COX7B2: variants seen among roughly 807,000 people sequenced by gnomAD.
COX7B2 encodes cytochrome c oxidase subunit 7B2, mitochondrial.
For synonymous variants in COX7B2, 37 were observed against 32.1 expected (o/e 1.15, Z -0.51); for missense variants, 109 against 95.9 (o/e 1.14, Z -0.57).
At chr4:46,787,800 A>T (rs1210554749) in intron 2 of COX7B2, among the ~76,000 whole-genome samples, 2 of 152,216 alleles carry the variant, frequency 1.3e-5, no homozygotes, top group Non-Finnish European at 2.9e-5. Context: ...CCTTGGCTCT[A>T]CTTACTTTGT....
At chr4:46,760,528 G>A (rs776513652) in intron 2 of COX7B2, among the ~76,000 whole-genome samples, 1 of 152,126 alleles carries the variant, frequency 6.6e-6, no homozygotes, top group Non-Finnish European at 1.5e-5. Flanking sequence ...GGACACGGAG[G>A]GGCAGGGTAT....
At chr4:46,829,612 G>A (rs192544609) in intron 2 of COX7B2, among the ~76,000 whole-genome samples, 17 of 152,156 alleles carry the variant, frequency 1.1e-4, no homozygotes, top group East Asian at 7.7e-4. Context: ...CTTCATCATG[G>A]GATGAAGAAA....
At chr4:46,847,827 C>T (rs1217984991) in intron 1 of COX7B2, among the ~76,000 whole-genome samples, 1 of 151,982 alleles carries the variant, frequency 6.6e-6, no homozygotes, top group African/African-American at 2.4e-5. Context: ...ATTGAATCTT[C>T]TAGAAGCTGA....
intron 1 of COX7B2, among the ~76,000 whole-genome samples, chr4:46,889,457 T>C (rs1397006156): frequency 6.6e-6 from 1 of 152,248 alleles, no homozygotes; most frequent in Non-Finnish European, 1.5e-5. Context: ...CAAGCTTTCA[T>C]TGATTAATTC....
chr4:46,756,968 A>G (rs1329541738), intron 2 of COX7B2, among the ~76,000 whole-genome samples: 1 of 152,110 alleles, frequency 6.6e-6, no homozygotes, highest in Admixed American at 6.6e-5. Flanking sequence ...TCATTATATT[A>G]AAAAGATACC....
chr4:46,850,238 T>C (rs1213128344), intron 1 of COX7B2, among the ~76,000 whole-genome samples: 2 of 149,468 alleles, frequency 1.3e-5, no homozygotes, highest in African/African-American at 5.1e-5. Context: ...TTTAAAATGA[T>C]TTAAAATAAT....
At chr4:46,871,448 G>T (rs536922858) in intron 1 of COX7B2, among the ~76,000 whole-genome samples, 1 of 152,126 alleles carries the variant, frequency 6.6e-6, no homozygotes, top group South Asian at 2.1e-4. Context: ...TCATTACAAA[G>T]ACACCAAAAG....
At chr4:46,836,119 C>G (rs935608160) in intron 2 of COX7B2, among the ~76,000 whole-genome samples, 3 of 152,100 alleles carry the variant, frequency 2.0e-5, no homozygotes, top group Non-Finnish European at 4.4e-5. Context: ...TAGAACATTA[C>G]TGTACACTAC....
chr4:46,907,345 C>A (rs1356911208), intron 1 of COX7B2, among the ~76,000 whole-genome samples: 1 of 152,104 alleles, frequency 6.6e-6, no homozygotes, highest in Non-Finnish European at 1.5e-5. Context: ...TTATTTTATT[C>A]TTGCTTCCAT....
intron 1 of COX7B2, among the ~76,000 whole-genome samples, chr4:46,861,578 T>C (rs529973348): frequency 1.8e-4 from 27 of 152,310 alleles, no homozygotes; most frequent in African/African-American, 6.0e-4. Context: ...CTAGTACAAA[T>C]TGGAAAACAA....
At chr4:46,760,967 A>G (rs1305838203) in intron 2 of COX7B2, among the ~76,000 whole-genome samples, 1 of 152,112 alleles carries the variant, frequency 6.6e-6, no homozygotes, top group Non-Finnish European at 1.5e-5. Context: ...AATTATAGAA[A>G]ACTATGCCTT....
chr4:46,824,780 C>G (rs956547289), intron 2 of COX7B2, among the ~76,000 whole-genome samples: 1 of 150,310 alleles, frequency 6.7e-6, no homozygotes, highest in African/African-American at 2.4e-5. Context: ...AGACAAAAAA[C>G]ACATGATTAT....
At chr4:46,799,548 G>A (rs533381490) in intron 2 of COX7B2, among the ~76,000 whole-genome samples, 2 of 152,238 alleles carry the variant, frequency 1.3e-5, no homozygotes, top group South Asian at 2.1e-4. Context: ...CTAGTTTGTT[G>A]AGAGTTTATA....
chr4:46,757,363 G>A (rs1371076894), intron 2 of COX7B2, among the ~76,000 whole-genome samples: 1 of 152,040 alleles, frequency 6.6e-6, no homozygotes, highest in Non-Finnish European at 1.5e-5. Context: ...TGGTTACAAT[G>A]TTCACTATTC....
chr4:46,749,226 G>C (rs1461737260), intron 2 of COX7B2, among the ~76,000 whole-genome samples: 1 of 152,098 alleles, frequency 6.6e-6, no homozygotes, highest in East Asian at 1.9e-4. Context: ...GATGCCTTCA[G>C]CTCCCTCGCA....
rs754039038 is a variant in COX7B2, at chr4:46,820,821, C to CAA, written c.-50+24137_-50+24138dup. On this transcript the variant is annotated intron_variant, in intron 2 of 2. Coordinates refer to ENST00000355591, the MANE Select transcript of COX7B2 (RefSeq NM_130902.3). ...GGACAAAAAAAGCAAAACTCCATCT[C>CAA]AAAAAAAAAAAAAATATATATATAT... 3.9e-3 allele frequency among the ~76,000 whole-genome samples: 534 copies of CAA among 137,754 alleles called. 1 individual carries two copies. Among genetic ancestry groups the CAA allele is most frequent in the African/African-American group, 0.013 (483 of 37,046 alleles). The allele number at this position is 137,754 out of a possible 152,430, so 90.4% of individuals were successfully genotyped here.
At chr4:46,787,624 G>T (rs928640903) in intron 2 of COX7B2, among the ~76,000 whole-genome samples, 2 of 152,084 alleles carry the variant, frequency 1.3e-5, no homozygotes, top group Non-Finnish European at 2.9e-5. Flanking sequence ...TGTAGCTTTG[G>T]GGATACTGAA....
intron 2 of COX7B2, among the ~76,000 whole-genome samples, chr4:46,762,515 T>G (rs887769582): frequency 4.9e-5 from 7 of 143,130 alleles, no homozygotes; most frequent in Admixed American, 2.2e-4. Flanking sequence ...TATGATTAAG[T>G]AGAAAAACTG....
chr4:46,820,864 T>C (rs968871994), intron 2 of COX7B2, among the ~76,000 whole-genome samples: 3 of 149,886 alleles, frequency 2.0e-5, no homozygotes, highest in Non-Finnish European at 3.0e-5. Flanking sequence ...GATAGATAGA[T>C]ATTACAGCAG....
Sources: gnomAD v4.1 joint callset for allele counts (sites outside exome capture counted in the v4.1 genomes callset) on GRCh38, gnomAD v4.1.1 for gene constraint, MANE v1.5 for transcripts, NCBI Gene and HGNC (gene_info 2026-07-23, HGNC 2026-07-21) for gene names.